The following SMOC1 variants were observed in gnomAD, a reference collection of about 807,000 sequenced individuals.
SMOC1 encodes the protein SPARC related modular calcium binding 1, also known as SPARC-related modular calcium-binding protein 1.
A neutral mutation model predicts 56.3 loss-of-function variants in SMOC1; 22 were observed. That is an observed-to-expected ratio of 0.39 (90% CI 0.28 to 0.56). The LOEUF is 0.56. Among genes scored for constraint, SMOC1 ranks in the 20% least tolerant of loss-of-function variants. SMOC1 has a pLI of 0.61. For synonymous variants in SMOC1, 193 were observed against 215.0 expected, an observed-to-expected ratio of 0.90 and a Z score of 0.89; for missense variants, 509 against 565.4, an observed-to-expected ratio of 0.90 and a Z score of 1.01.
intron 1 of SMOC1, among the ~76,000 whole-genome samples, chr14:69,893,655 A>G (rs1884020711): frequency 6.6e-6 from 1 of 152,216 alleles, no homozygotes; most frequent in African/African-American, 2.4e-5. Context: ...TATTTATGTT[A>G]CAAGAAACAG....
rs188812726 is a variant in SMOC1, at chr14:69,977,877, C to T, written c.479-41C>T. On this transcript the variant is annotated intron_variant, in intron 4 of 11. Coordinates refer to ENST00000361956, the MANE Select transcript of SMOC1 (RefSeq NM_001034852.3). Reference sequence around the variant, plus strand: ...TCTTAGAAAGAAACCAACCACAATGCATTCTGAGTGGCTATGTTTTTGTTT... The same window carrying T: ...TCTTAGAAAGAAACCAACCACAATGTATTCTGAGTGGCTATGTTTTTGTTT... 3.2e-6 allele frequency: 5 copies of T among 1,580,404 alleles called. No homozygotes were observed. The East Asian group carries it at 8.9e-5, about 28-fold the overall frequency.
chr14:69,995,085 A>T (rs1884718744), intron 7 of SMOC1, among the ~76,000 whole-genome samples: 1 of 152,238 alleles, frequency 6.6e-6, no homozygotes, highest in Non-Finnish European at 1.5e-5. Context: ...TCACAAGCGA[A>T]ATCTGTATCT....
intron 1 of SMOC1, among the ~76,000 whole-genome samples, chr14:69,921,328 C>T (rs772236570): frequency 2.0e-5 from 3 of 152,168 alleles, no homozygotes; most frequent in Non-Finnish European, 4.4e-5. Context: ...TTATGTCTCA[C>T]GCAGTAGGCC....
At chr14:69,919,920 CCCT>C (rs1022121418) in intron 1 of SMOC1, among the ~76,000 whole-genome samples, 21 of 149,742 alleles carry the variant, frequency 1.4e-4, no homozygotes, top group African/African-American at 4.9e-4. Flanking sequence ...ACCCCCCCCC[CCCT>C]TTCTCCCCTG....
At chr14:69,992,960 T>C (rs753566133) in intron 6 of SMOC1, among the ~76,000 whole-genome samples, 4 of 152,262 alleles carry the variant, frequency 2.6e-5, no homozygotes, top group Non-Finnish European at 5.9e-5. Context: ...GTCTCCGTTC[T>C]TATTGTCATA....
intron 1 of SMOC1, among the ~76,000 whole-genome samples, chr14:69,918,723 A>G (rs1884753666): frequency 6.6e-6 from 1 of 152,182 alleles, no homozygotes; most frequent in Non-Finnish European, 1.5e-5. Context: ...CATGTTAGAC[A>G]CCTAGAACCT....
chr14:70,008,678 G>C (rs537088556), intron 7 of SMOC1, among the ~76,000 whole-genome samples: 2 of 152,140 alleles, frequency 1.3e-5, no homozygotes, highest in Non-Finnish European at 2.9e-5. Flanking sequence ...TCTTGCTTTC[G>C]GTCTGATTTA....
At chr14:69,973,366 T>C (rs1883845056) in intron 3 of SMOC1, among the ~76,000 whole-genome samples, 2 of 152,228 alleles carry the variant, frequency 1.3e-5, no homozygotes, top group African/African-American at 2.4e-5. Context: ...TATCCCCATT[T>C]TATAGATGGG....
chr14:69,990,644 G>T (rs1429250690), intron 5 of SMOC1, among the ~76,000 whole-genome samples: 1 of 152,190 alleles, frequency 6.6e-6, no homozygotes, highest in Non-Finnish European at 1.5e-5. Flanking sequence ...AAATGACATT[G>T]TGTGGCTCTG....
At chr14:69,889,308 A>G (rs557463267) in intron 1 of SMOC1, among the ~76,000 whole-genome samples, 2 of 152,238 alleles carry the variant, frequency 1.3e-5, no homozygotes, top group East Asian at 3.9e-4. Flanking sequence ...CCATCATTCA[A>G]AAGGTTCAGA....
intron 10 of SMOC1, among the ~76,000 whole-genome samples, chr14:70,020,940 G>T (rs1885698471): frequency 6.6e-6 from 1 of 152,208 alleles, no homozygotes; most frequent in Non-Finnish European, 1.5e-5. Context: ...ACAGGCGGGA[G>T]CCCCAGAAAC....
At chr14:70,017,297 G>A (rs67968996) in intron 10 of SMOC1, among the ~76,000 whole-genome samples, 2,138 of 152,288 alleles carry the variant, frequency 0.014, 25 homozygotes, top group Non-Finnish European at 0.022. Context: ...GACTTGGAGC[G>A]CCATGCAGAC....
In SMOC1 at chr14:70,011,514, C is replaced by G; in HGVS notation, c.887C>G (p.Ala296Gly). 1 of 1,613,542 alleles carries G rather than the reference C, an allele frequency of 6.2e-7. No homozygotes were observed. The highest frequency in any genetic ancestry group is 8.5e-7 in the Non-Finnish European group (1 of 1,179,852). ...GTGATGCCCAGTTGTGAGAGCGACG[C>G]CAGGGCCAAGACTACAGAGGCGGAT... The part of the protein sequence containing the change: ...RYVMPSCESD[A>G]RAKTTEADDP... The change falls in exon 9 of 12, where the codon GCC becomes GGC. Residue 296 changes from alanine to glycine, a missense_variant. Around this residue, in one of 3 missense-constraint regions of SMOC1, gnomAD observed 176 missense variants for 188.1 expected, o/e 0.94. Transcript: ENST00000361956.
intron 1 of SMOC1, chr14:69,885,219 A>G (rs965152732): frequency 1.6e-6 from 1 of 635,222 alleles, no homozygotes; most frequent in African/African-American, 1.9e-5. Flanking sequence ...TTTTCTACAG[A>G]GCATTCTTTT....
intron 3 of SMOC1, among the ~76,000 whole-genome samples, chr14:69,955,474 A>G (rs1355312205): frequency 3.3e-5 from 5 of 152,006 alleles, no homozygotes. Context: ...ATTGTTATAT[A>G]TTATATATTC....
At chr14:69,895,229 C>T (rs889577553) in intron 1 of SMOC1, among the ~76,000 whole-genome samples, 1 of 152,252 alleles carries the variant, frequency 6.6e-6, no homozygotes, top group African/African-American at 2.4e-5. Context: ...CCTGACTATG[C>T]ATGCATTTCA....
At chr14:69,956,935 C>T (rs975714369) in intron 3 of SMOC1, among the ~76,000 whole-genome samples, 1 of 152,086 alleles carries the variant, frequency 6.6e-6, no homozygotes, top group African/African-American at 2.4e-5. Flanking sequence ...CCAGGCGATG[C>T]CAATGTTTGA....
intron 7 of SMOC1, among the ~76,000 whole-genome samples, chr14:70,005,766 G>A (rs541468842): frequency 6.6e-6 from 1 of 152,264 alleles, no homozygotes; most frequent in Admixed American, 6.5e-5. Flanking sequence ...ATAGGGGCGG[G>A]CGTGTGAGTG....
intron 3 of SMOC1, among the ~76,000 whole-genome samples, chr14:69,963,794 T>C (rs1256810480): frequency 1.3e-5 from 2 of 152,226 alleles, no homozygotes; most frequent in African/African-American, 4.8e-5. Context: ...TTGTCAGTGA[T>C]GGCAAGAGCA....
Sources: gnomAD v4.1 joint callset for allele counts (sites outside exome capture counted in the v4.1 genomes callset) on GRCh38, gnomAD v4.1.1 for gene constraint, gnomAD v4.1.1 regional missense constraint, MANE v1.5 for transcripts, NCBI Gene and HGNC (gene_info 2026-07-23, HGNC 2026-07-21) for gene names.